ZCCHC14: variants seen among roughly 807,000 people sequenced by gnomAD.
ZCCHC14 encodes the protein zinc finger CCHC-type containing 14.
A neutral mutation model predicts 85.0 loss-of-function variants in ZCCHC14; 16 were observed. That is an observed-to-expected ratio of 0.19 (90% CI 0.13 to 0.29). ZCCHC14 has a LOEUF of 0.29. Among genes scored for constraint, ZCCHC14 ranks in the 10% least tolerant of loss-of-function variants. The pLI is 1.00. For missense variants in ZCCHC14, 1,303 were observed against 1,443.5 expected (o/e 0.90, Z 1.58); for synonymous variants, 775 against 630.7 (o/e 1.23, Z -3.43).
intron 3 of ZCCHC14, among the ~76,000 whole-genome samples, chr16:87,427,807 T>G (rs1204073455): frequency 1.3e-5 from 1 of 77,602 alleles, no homozygotes; most frequent in Non-Finnish European, 2.9e-5. Context: ...CCAACTACTT[T>G]TTGTACTTTT....
rs1049707154 is a variant in ZCCHC14 at position 87,492,472 on chromosome 16, G to A, written c.-234C>T. ...CGGGCGGGCGCGCGCGGGGCGCCGG[G>A]GGGGCCCGGGGCGGCCGGGGCGGCC... On this transcript the variant is annotated 5_prime_UTR_variant, in exon 1 of 13. Coordinates refer to ENST00000671377, the MANE Select transcript of ZCCHC14 (RefSeq NM_015144.3). This position sits in a 1 kb window ranked among gnomAD's most constrained non-coding sequence, Gnocchi z 6.7. 1.4e-5 allele frequency: 2 copies of A among 145,120 alleles called. No individual in the cohort carries two copies. Among genetic ancestry groups the A allele is most frequent in the African/African-American group, 4.9e-5 (2 of 40,590 alleles). The allele number at this position is 145,120 out of a possible 1,614,324, so 9.0% of individuals were successfully genotyped here.
At chr16:87,416,712 TAC>T (rs1908800661) in intron 8 of ZCCHC14, among the ~76,000 whole-genome samples, 2 of 151,960 alleles carry the variant, frequency 1.3e-5, no homozygotes, top group Admixed American at 1.3e-4. Flanking sequence ...GCCGAGACCA[TAC>T]CATTGCACTC....
At chr16:87,469,428 G>T (rs1911678936) in intron 1 of ZCCHC14, among the ~76,000 whole-genome samples, 1 of 152,216 alleles carries the variant, frequency 6.6e-6, no homozygotes, top group Non-Finnish European at 1.5e-5. Context: ...AACTACAGAG[G>T]TCTGTGATTT....
intron 2 of ZCCHC14, among the ~76,000 whole-genome samples, chr16:87,447,909 C>G (rs994622824): frequency 2.6e-5 from 4 of 152,158 alleles, no homozygotes; most frequent in Non-Finnish European, 5.9e-5. Context: ...AAATGATACT[C>G]TCCTGTGGCT....
At chr16:87,475,552 T>TAAAAA (rs35771945) in intron 1 of ZCCHC14, among the ~76,000 whole-genome samples, 1 of 91,472 alleles carries the variant, frequency 1.1e-5, no homozygotes, top group Non-Finnish European at 2.1e-5. Flanking sequence ...GACTCTGTCT[T>TAAAAA]AAAAAAAAAA....
chr16:87,420,506 G>T lies in ZCCHC14; in HGVS notation c.950+101C>A. On this transcript the variant is annotated intron_variant, in intron 5 of 12. Coordinates refer to ENST00000671377, the MANE Select transcript of ZCCHC14 (RefSeq NM_015144.3). The surrounding 1 kb of genome is among the most constrained non-coding windows in gnomAD (Gnocchi z 5.0). Reference sequence around the variant, plus strand: ...AGTAGAGACCCAGGTCCAGGTGACCGCGCATCCTCCCAGAGCTCCTTGGAG... The same window carrying T: ...AGTAGAGACCCAGGTCCAGGTGACCTCGCATCCTCCCAGAGCTCCTTGGAG... 1.1e-6 allele frequency: 1 copy of T among 901,836 alleles called. No homozygotes were observed. The highest frequency in any genetic ancestry group is 1.7e-6 in the Non-Finnish European group (1 of 602,216). 55.9% of individuals were successfully genotyped at this position (901,836 alleles called of 1,614,324 possible). A position where few individuals can be genotyped will look rare whatever the true frequency, so the allele number is the denominator to read the frequency against.
intron 1 of ZCCHC14, among the ~76,000 whole-genome samples, chr16:87,490,513 C>T (rs1474311899): frequency 6.6e-6 from 1 of 152,262 alleles, no homozygotes; most frequent in Non-Finnish European, 1.5e-5. Flanking sequence ...GAGCCCCAGA[C>T]ACTTTGCGTT....
Position 87,491,424 on chromosome 16 carries a change from A to C in ZCCHC14, c.570+245T>G, listed in dbSNP as rs1266645966. On this transcript the variant is annotated intron_variant, in intron 1 of 12. Coordinates refer to ENST00000671377, the MANE Select transcript of ZCCHC14 (RefSeq NM_015144.3). The surrounding 1 kb of genome is among the most constrained non-coding windows in gnomAD (Gnocchi z 5.9). The stretch of plus-strand genomic sequence containing the variant: ...GGCGGAGGCTTGGGATGTACGGCGG[A>C]GGCTTGGGATGTACGGTGGAGGCTT... 6.6e-6 allele frequency among the ~76,000 whole-genome samples: 1 copy of C among 151,346 alleles called. No individual in the cohort carries two copies. Among genetic ancestry groups the C allele is most frequent in the Non-Finnish European group, 1.5e-5 (1 of 67,862 alleles).
intron 1 of ZCCHC14, chr16:87,467,031 G>GA (rs11313581): frequency 0.071 from 23,338 of 328,544 alleles, 3,288 homozygotes; most frequent in African/African-American, 0.4. Flanking sequence ...TGTTTTTCAT[G>GA]AAAAAAAAAA....
At chr16:87,478,835 G>A (rs1415507186) in intron 1 of ZCCHC14, among the ~76,000 whole-genome samples, 1 of 151,946 alleles carries the variant, frequency 6.6e-6, no homozygotes, top group Non-Finnish European at 1.5e-5. Flanking sequence ...TCAAATTCCT[G>A]ACCTTGTGAT....
At chr16:87,447,918 C>T (rs2077686591) in intron 2 of ZCCHC14, among the ~76,000 whole-genome samples, 2 of 152,244 alleles carry the variant, frequency 1.3e-5, no homozygotes, top group Admixed American at 1.3e-4. Context: ...TCTCCTGTGG[C>T]TTTGATGTGC....
intron 2 of ZCCHC14, among the ~76,000 whole-genome samples, chr16:87,459,626 C>A (rs1040738860): frequency 6.6e-6 from 1 of 151,944 alleles, no homozygotes; most frequent in Admixed American, 6.6e-5. Flanking sequence ...TCTCCTGCCT[C>A]AGCCTCCCGA....
intron 2 of ZCCHC14, among the ~76,000 whole-genome samples, chr16:87,447,512 T>G (rs1337723112): frequency 1.3e-5 from 2 of 152,206 alleles, no homozygotes; most frequent in African/African-American, 4.8e-5. Context: ...ATTGTATTTT[T>G]GAGATTCCGA....
Position 87,406,872 on chromosome 16 carries a change from G to A in ZCCHC14, c.*3408C>T, listed in dbSNP as rs1288712221. The A allele has an allele frequency of 6.6e-6, 1 of 152,260 alleles. No homozygotes were observed. Among genetic ancestry groups the A allele is most frequent in the Non-Finnish European group, 1.5e-5 (1 of 68,104 alleles). 9.4% of individuals were successfully genotyped at this position (152,260 alleles called of 1,614,324 possible). A position where few individuals can be genotyped will look rare whatever the true frequency, so the allele number is the denominator to read the frequency against. Reference sequence around the variant, plus strand: ...ATTCTTTGGAAGTCACCTGCATGCTGGAAATGGCAGCCACCCCCGCTCAGG... The same window carrying A: ...ATTCTTTGGAAGTCACCTGCATGCTAGAAATGGCAGCCACCCCCGCTCAGG... On this transcript the variant is annotated 3_prime_UTR_variant, in exon 13 of 13. Transcript: ENST00000671377.
At chr16:87,483,689 G>A (rs1453701906) in intron 1 of ZCCHC14, among the ~76,000 whole-genome samples, 2 of 152,166 alleles carry the variant, frequency 1.3e-5, no homozygotes, top group African/African-American at 2.4e-5. Context: ...GTGCTAACTC[G>A]CTGGGCTCGT....
intron 2 of ZCCHC14, among the ~76,000 whole-genome samples, chr16:87,458,034 G>A (rs1315780059): frequency 2.6e-5 from 4 of 151,606 alleles, no homozygotes; most frequent in Non-Finnish European, 2.9e-5. Context: ...CTCACCCTCT[G>A]TCTCTCTGGG....
At position 87,423,865 on chromosome 16, in the gene ZCCHC14, G is replaced by C; in HGVS notation, c.785C>G (p.Ser262Cys). 1 of 1,614,066 alleles carries C rather than the reference G, an allele frequency of 6.2e-7. No homozygotes were observed. Among genetic ancestry groups the C allele is most frequent in the Non-Finnish European group, 8.5e-7 (1 of 1,179,984 alleles). ...AGATTTGGTTACTGATGTTATTGAA[G>C]AATCAGACCACAAGACCTTAAAAAC... ...ECSFEVLWSD[S>C]SITSVTKSSS... The change falls in exon 4 of 13, where the codon TCT becomes TGT. Residue 262 changes from serine to cysteine, a missense_variant. Transcript: ENST00000671377.
At chr16:87,460,540 A>C (rs188486659) in intron 1 of ZCCHC14, among the ~76,000 whole-genome samples, 24 of 152,232 alleles carry the variant, frequency 1.6e-4, no homozygotes, top group Admixed American at 1.4e-3. Context: ...AAATACAAAA[A>C]TTAGCCAGGC....
At chr16:87,459,985 C>A (rs1911176475) in intron 2 of ZCCHC14, 23 bp downstream of exon 2, 1 of 1,614,042 alleles carries the variant, frequency 6.2e-7, no homozygotes, top group East Asian at 2.2e-5. Flanking sequence ...AGACGTCCTC[C>A]TGAAACCCGT....
Sources: allele counts gnomAD v4.1 joint callset (sites outside exome capture counted in the v4.1 genomes callset), GRCh38; gene constraint gnomAD v4.1.1; non-coding constraint Gnocchi (gnomAD v3.1); transcripts MANE v1.5; gene names NCBI Gene and HGNC (gene_info 2026-07-23, HGNC 2026-07-21).